SPAG17: variants seen among roughly 807,000 people sequenced by gnomAD.
SPAG17 encodes sperm-associated antigen 17.
SPAG17 carries 169 observed loss-of-function variants against 273.6 expected under a neutral mutation model. That is an observed-to-expected ratio of 0.62 (90% CI 0.55 to 0.70). The LOEUF is 0.70. Ranked by LOEUF, SPAG17 falls within the 30% of genes least tolerant of loss-of-function variation. The pLI is 0.00. For synonymous variants in SPAG17, 825 were observed against 873.2 expected (o/e 0.94, Z 0.97); for missense variants, 2,557 against 2,627.8 (o/e 0.97, Z 0.59).
rs1435753143 is a variant in SPAG17, at chr1:118,086,029, T to A, written c.1655A>T (p.Gln552Leu). The change falls in exon 13 of 49, where the codon CAG becomes CTG. Residue 552 changes from glutamine (Q) to leucine (L), a missense_variant. By Grantham distance (113) the Gln-to-Leu change is moderately radical. Transcript: ENST00000336338. ...FDPVQIEQEM[Q>L]SKLPLWEFLQ... ...AAATTCCCACAGTGGCAACTTGGAC[T>A]GCATCTCCTGCTCAATTTGAACTGG... 3 of 1,613,706 alleles carry A rather than the reference T, an allele frequency of 1.9e-6. No individual in the cohort carries two copies. The highest frequency in any genetic ancestry group is 2.5e-6 in the Non-Finnish European group (3 of 1,179,936).
intron 13 of SPAG17, among the ~76,000 whole-genome samples, chr1:118,082,737 C>T (rs1279167831): frequency 6.6e-6 from 1 of 152,080 alleles, no homozygotes; most frequent in Non-Finnish European, 1.5e-5. Context: ...CAGGGAGGGG[C>T]TTCTAGTTTA....
At chr1:118,080,550 G>GA (rs764182769) in intron 15 of SPAG17, among the ~76,000 whole-genome samples, 4 of 152,168 alleles carry the variant, frequency 2.6e-5, no homozygotes, top group Non-Finnish European at 4.4e-5. Context: ...TGTAAGTAGA[G>GA]AAACAAAATA....
intron 15 of SPAG17, chr1:118,076,202 T>C (rs1654073363): frequency 6.6e-6 from 1 of 152,026 alleles, no homozygotes; most frequent in Non-Finnish European, 1.5e-5. Context: ...AGCCTTATTC[T>C]GTGGCAAGCA....
intron 42 of SPAG17, 116 bp downstream of exon 42, chr1:117,983,695 G>T: frequency 3.8e-6 from 2 of 524,698 alleles, no homozygotes; most frequent in Non-Finnish European, 3.3e-6. Flanking sequence ...TCTGTCATAT[G>T]CAGGTCACTG....
At position 118,162,570 on chromosome 1, in the gene SPAG17, G is replaced by A. The variant is rs79624896; in HGVS notation, c.88-11201C>T. Among the ~76,000 whole-genome samples the A allele has an allele frequency of 8.7e-3, 1,323 of 152,254 alleles. 25 individuals carry two copies. Among genetic ancestry groups the A allele is most frequent in the African/African-American group, 0.028 (1,184 of 41,556 alleles). ...AAGAGATTACATGTAAACGTATTTC[G>A]CAGCTATGAAGCACTGTACAAATTG... is the stretch of plus-strand genomic sequence containing the variant. On this transcript the variant is annotated intron_variant, in intron 1 of 48. Coordinates refer to ENST00000336338, the MANE Select transcript of SPAG17 (RefSeq NM_206996.4).
intron 42 of SPAG17, among the ~76,000 whole-genome samples, chr1:117,981,662 G>T (rs1655828059): frequency 6.6e-6 from 1 of 152,128 alleles, no homozygotes; most frequent in African/African-American, 2.4e-5. Flanking sequence ...TTCTTTATGG[G>T]CATTATGACT....
intron 32 of SPAG17, among the ~76,000 whole-genome samples, chr1:118,003,728 A>T (rs1255207457): frequency 6.6e-6 from 1 of 152,030 alleles, no homozygotes; most frequent in Non-Finnish European, 1.5e-5. Flanking sequence ...GCTTTTTTCA[A>T]GGTTTTTAGC....
intron 43 of SPAG17, among the ~76,000 whole-genome samples, chr1:117,976,338 C>G (rs150848552): frequency 1.3e-5 from 2 of 152,226 alleles, no homozygotes; most frequent in African/African-American, 4.8e-5. Flanking sequence ...TGGACCTGAG[C>G]CGAGTGAAGA....
intron 15 of SPAG17, among the ~76,000 whole-genome samples, chr1:118,074,986 C>G (rs946757178): frequency 1.3e-5 from 2 of 152,140 alleles, no homozygotes; most frequent in South Asian, 2.1e-4. Flanking sequence ...TATCACAAAG[C>G]CTTTTTAAAT....
chr1:118,101,956 A>G (rs758463160), intron 4 of SPAG17, 30 bp from the exon 5 acceptor site: 24 of 1,581,742 alleles, frequency 1.5e-5, no homozygotes, highest in Non-Finnish European at 3.5e-6. Context: ...TTTTCTCCAA[A>G]TCAAACAGTG....
At chr1:118,134,082 A>G (rs1333747550) in intron 3 of SPAG17, among the ~76,000 whole-genome samples, 1 of 152,236 alleles carries the variant, frequency 6.6e-6, no homozygotes, top group Non-Finnish European at 1.5e-5. Flanking sequence ...ATTGTCTTGA[A>G]TGCACTTTGG....
At chr1:117,988,743 T>C (rs1330881891) in intron 38 of SPAG17, among the ~76,000 whole-genome samples, 1 of 152,208 alleles carries the variant, frequency 6.6e-6, no homozygotes, top group East Asian at 1.9e-4. Context: ...CAAGGTTAAA[T>C]AGGTTTCACT....
At chr1:117,990,162 T>C (rs2101640616) in intron 38 of SPAG17, among the ~76,000 whole-genome samples, 1 of 152,160 alleles carries the variant, frequency 6.6e-6, no homozygotes, top group African/African-American at 2.4e-5. Context: ...TGTAATAATG[T>C]GAGATTTCAA....
At chr1:118,158,807 T>C (rs940377955) in intron 1 of SPAG17, among the ~76,000 whole-genome samples, 2 of 152,198 alleles carry the variant, frequency 1.3e-5, no homozygotes, top group Admixed American at 6.5e-5. Flanking sequence ...TTTTGAAGTA[T>C]TTCTTCTAAT....
At chr1:118,035,068 G>A (rs1490633414) in intron 24 of SPAG17, among the ~76,000 whole-genome samples, 5 of 152,058 alleles carry the variant, frequency 3.3e-5, no homozygotes, top group African/African-American at 1.2e-4. Flanking sequence ...AACTTGTTAA[G>A]CCATTAGCAG....
intron 3 of SPAG17, among the ~76,000 whole-genome samples, chr1:118,116,544 C>T (rs1398283936): frequency 6.6e-6 from 1 of 152,134 alleles, no homozygotes. Flanking sequence ...TGTCTGAGCT[C>T]TTGGTCAGGA....
intron 43 of SPAG17, among the ~76,000 whole-genome samples, chr1:117,975,426 A>C (rs1240227943): frequency 6.6e-6 from 1 of 152,190 alleles, no homozygotes; most frequent in African/African-American, 2.4e-5. Context: ...AGTCCTAACT[A>C]ATATAGTAGT....
chr1:118,105,307 A>G (rs1656328692), intron 4 of SPAG17, among the ~76,000 whole-genome samples: 1 of 152,176 alleles, frequency 6.6e-6, no homozygotes, highest in Non-Finnish European at 1.5e-5. Flanking sequence ...CCGAGGTAAT[A>G]TGGTAGGACT....
intron 3 of SPAG17, among the ~76,000 whole-genome samples, chr1:118,144,474 T>A (rs1373637794): frequency 1.3e-5 from 2 of 152,224 alleles, no homozygotes; most frequent in African/African-American, 4.8e-5. Flanking sequence ...GCACAAGAAC[T>A]CCTAGATTGT....
Sources: gnomAD v4.1 joint callset for allele counts (sites outside exome capture counted in the v4.1 genomes callset) on GRCh38, gnomAD v4.1.1 for gene constraint, MANE v1.5 for transcripts, NCBI Gene and HGNC (gene_info 2026-07-23, HGNC 2026-07-21) for gene names.